RIMS1: variants seen among roughly 807,000 people sequenced by gnomAD.
RIMS1 encodes the protein regulating synaptic membrane exocytosis protein 1.
A neutral mutation model predicts 214.1 loss-of-function variants in RIMS1; 83 were observed. The observed-to-expected ratio is 0.39, with a 90% CI of 0.32 to 0.47. RIMS1 has a LOEUF of 0.47. RIMS1 is among the 20% of genes least tolerant of loss of function. RIMS1 has a pLI of 0.99. For synonymous variants in RIMS1, 793 were observed against 786.8 expected, an observed-to-expected ratio of 1.01 and a Z score of -0.13; for missense variants, 2,050 against 2,161.8, an observed-to-expected ratio of 0.95 and a Z score of 1.03.
intron 16 of RIMS1, among the ~76,000 whole-genome samples, 153 bp downstream of exon 16, chr6:72,252,985 T>G (rs1005979566): frequency 6.6e-6 from 1 of 152,170 alleles, no homozygotes; most frequent in Non-Finnish European, 1.5e-5. Flanking sequence ...TTTCAAATTA[T>G]TAAGAAAGTT....
At chr6:71,908,132 G>A (rs1444508123) in intron 1 of RIMS1, among the ~76,000 whole-genome samples, 1 of 152,168 alleles carries the variant, frequency 6.6e-6, no homozygotes, top group Non-Finnish European at 1.5e-5. Flanking sequence ...ACCCCAAAGA[G>A]GCAACTCCTT....
intron 29 of RIMS1, among the ~76,000 whole-genome samples, chr6:72,340,503 G>A (rs1218246971): frequency 6.6e-6 from 1 of 152,030 alleles, no homozygotes; most frequent in African/African-American, 2.4e-5. Context: ...TTCTACATAT[G>A]GCTAGCCAGT....
intron 2 of RIMS1, among the ~76,000 whole-genome samples, chr6:72,020,047 C>T (rs187235731): frequency 3.3e-5 from 5 of 152,330 alleles, no homozygotes; most frequent in Non-Finnish European, 4.4e-5. Context: ...CCTGCTCTGT[C>T]ACTTCCACAA....
chr6:72,246,304 AGTGAATGG>A (rs1450113865), intron 11 of RIMS1, among the ~76,000 whole-genome samples: 2 of 152,178 alleles, frequency 1.3e-5, no homozygotes, highest in African/African-American at 4.8e-5. Context: ...TGATTTTGGA[AGTGAATGG>A]GTGGAGTAAA....
chr6:71,944,131 T>C (rs1583179700), intron 1 of RIMS1, among the ~76,000 whole-genome samples: 1 of 152,198 alleles, frequency 6.6e-6, no homozygotes, highest in East Asian at 1.9e-4. Context: ...ACTATTATGG[T>C]TAATGTAAAA....
intron 29 of RIMS1, among the ~76,000 whole-genome samples, chr6:72,346,727 T>C (rs1298423777): frequency 6.6e-6 from 1 of 151,826 alleles, no homozygotes; most frequent in African/African-American, 2.4e-5. Flanking sequence ...AAAATAAAAA[T>C]GAGAATAATA....
intron 15 of RIMS1, among the ~76,000 whole-genome samples, chr6:72,251,868 G>A (rs2073519171): frequency 2.0e-5 from 3 of 151,974 alleles, no homozygotes; most frequent in Admixed American, 6.6e-5. Context: ...GCGCCACCAT[G>A]CCTGGCTAAT....
intron 29 of RIMS1, among the ~76,000 whole-genome samples, chr6:72,389,451 A>G (rs1036514409): frequency 1.3e-5 from 2 of 152,238 alleles, no homozygotes; most frequent in Non-Finnish European, 2.9e-5. Flanking sequence ...TTCATATAGC[A>G]TAACCTATTA....
chr6:72,317,011 T>C, intron 28 of RIMS1: 1 of 448,468 alleles, frequency 2.2e-6, no homozygotes, highest in Non-Finnish European at 4.4e-6. Flanking sequence ...AGCCTCCCCC[T>C]CCATTCTTAT....
chr6:72,083,917 T>C (rs9351885), intron 2 of RIMS1, among the ~76,000 whole-genome samples: 32,882 of 152,128 alleles, frequency 0.22, 4,272 homozygotes, highest in East Asian at 0.31. Flanking sequence ...AACTATTATA[T>C]TTAATTCCTT....
intron 2 of RIMS1, among the ~76,000 whole-genome samples, chr6:72,048,653 A>G (rs1823754271): frequency 6.6e-6 from 1 of 152,236 alleles, no homozygotes; most frequent in South Asian, 2.1e-4. Context: ...AGAGCCTGCT[A>G]GGAAATAGGT....
intron 31 of RIMS1, among the ~76,000 whole-genome samples, chr6:72,393,244 T>C (rs1408302966): frequency 1.4e-5 from 2 of 147,442 alleles, no homozygotes; most frequent in African/African-American, 5.0e-5. Context: ...AGAAAAACAC[T>C]AAAAAGTACT....
intron 26 of RIMS1, among the ~76,000 whole-genome samples, chr6:72,298,033 T>A (rs938048202): frequency 2.6e-5 from 4 of 151,968 alleles, no homozygotes; most frequent in African/African-American, 9.7e-5. Flanking sequence ...TAACTGTAGA[T>A]GAACTTGTAG....
rs532535640 is a variant in RIMS1 at position 71,939,279 on chromosome 6, C to G, written c.165-29704C>G. 8.5e-5 allele frequency among the ~76,000 whole-genome samples: 13 copies of G among 152,266 alleles called. No homozygotes were observed. The South Asian group carries it at 2.7e-3, about 32-fold the overall frequency. On this transcript the variant is annotated intron_variant, in intron 1 of 33. Transcript: ENST00000521978. ...TCACTCAAGTAATCTTTAAGAAGTT[C>G]TAGACTTTTCCTACAGCTCTCCTCT...
intron 19 of RIMS1, chr6:72,263,602 C>T (rs2079016281): frequency 2.0e-6 from 2 of 985,292 alleles, no homozygotes; most frequent in Non-Finnish European, 1.2e-6. Flanking sequence ...AGTTTTATAG[C>T]AACCTATTAC....
chr6:72,064,740 T>G (rs1180017049), intron 2 of RIMS1, among the ~76,000 whole-genome samples: 1 of 152,216 alleles, frequency 6.6e-6, no homozygotes, highest in Non-Finnish European at 1.5e-5. Context: ...ACTTAAGATG[T>G]GCTCAGGGCA....
At chr6:72,281,392 T>C (rs1278439242) in intron 23 of RIMS1, among the ~76,000 whole-genome samples, 1 of 152,134 alleles carries the variant, frequency 6.6e-6, no homozygotes, top group Non-Finnish European at 1.5e-5. Context: ...TAATCTAATA[T>C]ATGAATCCAT....
intron 31 of RIMS1, 130 bp downstream of exon 31, chr6:72,392,940 C>A: frequency 1.5e-6 from 1 of 658,346 alleles, no homozygotes; most frequent in Non-Finnish European, 2.7e-6. Context: ...TTACTGTTTG[C>A]AAACAACTAT....
chr6:72,037,876 A>T (rs1009963632), intron 2 of RIMS1, among the ~76,000 whole-genome samples: 1 of 151,568 alleles, frequency 6.6e-6, no homozygotes, highest in African/African-American at 2.4e-5. Flanking sequence ...TATCAATTAG[A>T]ACCACATCAA....
Sources: allele counts gnomAD v4.1 joint callset (sites outside exome capture counted in the v4.1 genomes callset), GRCh38; gene constraint gnomAD v4.1.1; transcripts MANE v1.5; gene names NCBI Gene and HGNC (gene_info 2026-07-23, HGNC 2026-07-21).